Variants in ITFG1 observed in about 807,000 individuals in gnomAD.
ITFG1 encodes the protein T-cell immunomodulatory protein.
A neutral mutation model predicts 81.8 loss-of-function variants in ITFG1; 34 were observed. That is an observed-to-expected ratio of 0.42 (90% CI 0.32 to 0.55). The LOEUF (loss-of-function observed/expected upper bound fraction) is 0.55, where lower values mean the gene tolerates loss of function less well. Ranked by LOEUF, ITFG1 falls within the 20% of genes least tolerant of loss-of-function variation. ITFG1 has a pLI of 0.17. For synonymous variants in ITFG1, 285 were observed against 270.6 expected (o/e 1.05, Z -0.52); for missense variants, 672 against 755.4 (o/e 0.89, Z 1.29).
chr16:47,198,077 T>A (rs1394869248), intron 14 of ITFG1, among the ~76,000 whole-genome samples: 1 of 152,188 alleles, frequency 6.6e-6, no homozygotes, highest in Non-Finnish European at 1.5e-5. Flanking sequence ...AAACAAAATA[T>A]TGGTTCTGTT....
intron 13 of ITFG1, among the ~76,000 whole-genome samples, chr16:47,221,118 C>T (rs1965685196): frequency 6.6e-6 from 1 of 151,884 alleles, no homozygotes; most frequent in Non-Finnish European, 1.5e-5. Flanking sequence ...AGATCCATTC[C>T]CAGAGAAATG....
At chr16:47,208,495 G>C (rs1286834678) in intron 14 of ITFG1, among the ~76,000 whole-genome samples, 2 of 152,206 alleles carry the variant, frequency 1.3e-5, no homozygotes, top group Non-Finnish European at 2.9e-5. Context: ...ACAACCTGGA[G>C]CTGTACTTCT....
chr16:47,257,751 A>G (rs1684762317), intron 12 of ITFG1, among the ~76,000 whole-genome samples: 2 of 152,194 alleles, frequency 1.3e-5, no homozygotes, highest in African/African-American at 4.8e-5. Context: ...AGCTGTGTCC[A>G]TTGAGAGAAC....
intron 13 of ITFG1, 62 bp from the exon 14 acceptor site, chr16:47,219,008 G>T (rs1036023853): frequency 1.1e-5 from 13 of 1,229,354 alleles, no homozygotes; most frequent in Admixed American, 4.9e-5. Flanking sequence ...GAAGTTTCAG[G>T]CAAATCTCTT....
intron 6 of ITFG1, among the ~76,000 whole-genome samples, chr16:47,398,800 G>A (rs1285847215): frequency 2.0e-5 from 3 of 152,200 alleles, no homozygotes; most frequent in Non-Finnish European, 4.4e-5. Flanking sequence ...CCCTAGTGAC[G>A]TTAAAGAGCT....
At position 47,211,457 on chromosome 16, in the gene ITFG1, A is replaced by G. The variant is rs530996900; in HGVS notation, c.1453+7411T>C. Reference sequence around the variant, plus strand: ...TTCCTGGAGGTCATCTATGTATACAATTATGTCATCTGGAAATAGTGATGG... The same window carrying G: ...TTCCTGGAGGTCATCTATGTATACAGTTATGTCATCTGGAAATAGTGATGG... On this transcript the variant is annotated intron_variant, in intron 14 of 17. Coordinates refer to ENST00000320640, the MANE Select transcript of ITFG1 (RefSeq NM_030790.5). Among the ~76,000 whole-genome samples, 3 of 152,282 alleles carry G rather than the reference A, an allele frequency of 2.0e-5. No homozygotes were observed. The Middle Eastern group carries it at 0.01, about 518-fold the overall frequency.
At chr16:47,217,793 C>T (rs181481005) in intron 14 of ITFG1, among the ~76,000 whole-genome samples, 15 of 152,166 alleles carry the variant, frequency 9.9e-5, no homozygotes, top group East Asian at 9.7e-4. Flanking sequence ...GGTGTAGTGG[C>T]GGGCACCTGT....
chr16:47,216,459 C>T (rs1197384843), intron 14 of ITFG1, among the ~76,000 whole-genome samples: 9 of 152,080 alleles, frequency 5.9e-5, no homozygotes, highest in South Asian at 2.1e-4. Flanking sequence ...CCTTGGCCTC[C>T]GAAAGTGCTG....
chr16:47,263,402 G>A (rs941436534), intron 10 of ITFG1: 3 of 473,030 alleles, frequency 6.3e-6, no homozygotes, highest in South Asian at 3.3e-5. Context: ...CTACTCAGGA[G>A]GTGCTGCTAA....
rs561719678 is a variant in ITFG1 at position 47,342,758 on chromosome 16, T to C, written c.802+23030A>G. Among the ~76,000 whole-genome samples, 12 of 152,210 alleles carry C rather than the reference T, an allele frequency of 7.9e-5. No individual in the cohort carries two copies. The South Asian group carries it at 2.3e-3, about 29-fold the overall frequency. ...ATTTAGCAAGCAATTTCATTTACAATAATATGTACAAGAACAAAACACCCA... is the reference window on the plus strand; with the variant it reads ...ATTTAGCAAGCAATTTCATTTACAACAATATGTACAAGAACAAAACACCCA... On this transcript the variant is annotated intron_variant, in intron 8 of 17. Coordinates refer to ENST00000320640, the MANE Select transcript of ITFG1 (RefSeq NM_030790.5).
chr16:47,375,375 C>G (rs1471592152), intron 7 of ITFG1, among the ~76,000 whole-genome samples: 1 of 151,352 alleles, frequency 6.6e-6, no homozygotes, highest in African/African-American at 2.4e-5. Flanking sequence ...AAAACAAAAT[C>G]ATGACATTGG....
intron 5 of ITFG1, among the ~76,000 whole-genome samples, chr16:47,442,611 T>A (rs558454097): frequency 7.9e-4 from 120 of 152,262 alleles, no homozygotes; most frequent in African/African-American, 2.8e-3. Context: ...TCTACAACTA[T>A]CTGATCTTTG....
At chr16:47,184,431 C>T (rs1453659452) in intron 14 of ITFG1, among the ~76,000 whole-genome samples, 39 of 152,126 alleles carry the variant, frequency 2.6e-4, no homozygotes, top group South Asian at 4.1e-4. Context: ...GCAGATCTCT[C>T]GGCAGAAACG....
intron 10 of ITFG1, among the ~76,000 whole-genome samples, chr16:47,303,525 G>A (rs1485730871): frequency 6.6e-6 from 1 of 152,134 alleles, no homozygotes; most frequent in African/African-American, 2.4e-5. Context: ...GTGAGGATCC[G>A]GAAAGATTTG....
At chr16:47,402,022 T>C (rs1487364830) in intron 6 of ITFG1, among the ~76,000 whole-genome samples, 1 of 152,188 alleles carries the variant, frequency 6.6e-6, no homozygotes, top group Admixed American at 6.5e-5. Context: ...GTTTATTTTC[T>C]CATCCCCAAG....
chr16:47,298,984 G>T (rs1236926680), intron 10 of ITFG1, among the ~76,000 whole-genome samples: 2 of 152,086 alleles, frequency 1.3e-5, no homozygotes, highest in Non-Finnish European at 2.9e-5. Context: ...CCTGCACTCA[G>T]GCCCCCCATG....
At chr16:47,310,006 G>A (rs972588113) in intron 10 of ITFG1, among the ~76,000 whole-genome samples, 15 of 152,258 alleles carry the variant, frequency 9.9e-5, no homozygotes, top group African/African-American at 2.4e-4. Context: ...CAACACTCAC[G>A]TTCCATTCAG....
chr16:47,210,639 C>T (rs1201969350), intron 14 of ITFG1, among the ~76,000 whole-genome samples: 3 of 152,154 alleles, frequency 2.0e-5, no homozygotes, highest in African/African-American at 4.8e-5. Flanking sequence ...GTTAGAAGAT[C>T]TATGGTTTCA....
intron 13 of ITFG1, among the ~76,000 whole-genome samples, chr16:47,226,650 G>A (rs1965762014): frequency 1.3e-5 from 2 of 151,044 alleles, no homozygotes; most frequent in East Asian, 2.0e-4. Context: ...GCGACAGTTC[G>A]CTGAGAATGA....
Sources: allele counts gnomAD v4.1 joint callset (sites outside exome capture counted in the v4.1 genomes callset), GRCh38; gene constraint gnomAD v4.1.1; transcripts MANE v1.5; gene names NCBI Gene and HGNC (gene_info 2026-07-23, HGNC 2026-07-21).